CCDC6: variants seen among roughly 807,000 people sequenced by gnomAD.
The protein encoded by CCDC6 is coiled-coil domain-containing protein 6.
In CCDC6, 20 loss-of-function variants were observed where a neutral mutation model predicts 56.6. That is an observed-to-expected ratio of 0.35 (90% CI 0.25 to 0.51). The LOEUF (loss-of-function observed/expected upper bound fraction) is 0.51. CCDC6 is among the 20% of genes least tolerant of loss of function. The probability of loss-of-function intolerance (pLI) is 0.95; values close to 1 mark genes in which losing one functional copy is unlikely to be tolerated. For synonymous variants in CCDC6, 241 were observed against 234.4 expected (o/e 1.03, Z -0.26); for missense variants, 367 against 601.1 (o/e 0.61, Z 4.07).
chr10:59,827,117 TAG>T (rs1335347793), intron 3 of CCDC6, among the ~76,000 whole-genome samples: 1 of 151,972 alleles, frequency 6.6e-6, no homozygotes, highest in Non-Finnish European at 1.5e-5. Context: ...AGGGATAGGA[TAG>T]AGGAGGGAGA....
At chr10:59,858,470 G>T (rs1012843342) in intron 1 of CCDC6, among the ~76,000 whole-genome samples, 4 of 152,144 alleles carry the variant, frequency 2.6e-5, no homozygotes, top group Non-Finnish European at 5.9e-5. Flanking sequence ...ATTGTTACAG[G>T]ACTGCAGAGC....
intron 1 of CCDC6, among the ~76,000 whole-genome samples, chr10:59,857,966 T>C (rs1047983528): frequency 1.3e-5 from 2 of 152,180 alleles, no homozygotes; most frequent in Middle Eastern, 3.2e-3. Context: ...TATACTACTG[T>C]ACATAATGAT....
At chr10:59,838,825 T>C (rs967133592) in intron 2 of CCDC6, among the ~76,000 whole-genome samples, 2 of 152,178 alleles carry the variant, frequency 1.3e-5, no homozygotes, top group African/African-American at 4.8e-5. Flanking sequence ...CCTCTGCCTA[T>C]AGGGTCTGAA....
At chr10:59,857,753 C>T (rs547807810) in intron 1 of CCDC6, among the ~76,000 whole-genome samples, 21 of 152,038 alleles carry the variant, frequency 1.4e-4, no homozygotes, top group African/African-American at 4.8e-4. Flanking sequence ...ACTAAGACAT[C>T]CTGAAGCTTT....
rs566135857 is a variant in CCDC6, at chr10:59,825,390, CT to C, written c.582+7134del. 3.9e-4 allele frequency among the ~76,000 whole-genome samples: 59 copies of C among 152,352 alleles called. No individual in the cohort carries two copies. In the South Asian group the frequency reaches 0.012, roughly 30 times the overall value. ...GACGGGACATGCTCCTCCTTGCCTT[CT>C]GCCATGATTGTGGGCCTTCCCCAGC... On this transcript the variant is annotated intron_variant, in intron 3 of 8. Coordinates refer to ENST00000263102, the MANE Select transcript of CCDC6 (RefSeq NM_005436.5).
intron 1 of CCDC6, among the ~76,000 whole-genome samples, chr10:59,875,986 C>T (rs1468912432): frequency 3.4e-5 from 5 of 148,524 alleles, no homozygotes; most frequent in Admixed American, 2.0e-4. Context: ...AAAAAAATAA[C>T]GGTTGTTAAA....
rs142664486 is a variant in CCDC6 at position 59,889,760 on chromosome 10, A to G, written c.303+16362T>C. Among the ~76,000 whole-genome samples, 360 of 152,252 alleles carry G rather than the reference A, an allele frequency of 2.4e-3. 2 individuals carry two copies. The highest frequency in any genetic ancestry group is 8.1e-3 in the African/African-American group (338 of 41,546). The stretch of plus-strand genomic sequence containing the variant: ...CTCCCCTTTCTCCAACTTGGGCAGC[A>G]CCCACATCTCAAGGCCCAGGGGAGT... On this transcript the variant is annotated intron_variant, in intron 1 of 8. Transcript: ENST00000263102.
chr10:59,868,003 C>G (rs560103737), intron 1 of CCDC6, among the ~76,000 whole-genome samples: 7 of 152,332 alleles, frequency 4.6e-5, no homozygotes, highest in African/African-American at 1.7e-4. Flanking sequence ...CACAAACAAG[C>G]TGTACCACCT....
At chr10:59,900,432 C>A (rs569578203) in intron 1 of CCDC6, among the ~76,000 whole-genome samples, 5 of 152,274 alleles carry the variant, frequency 3.3e-5, no homozygotes, top group African/African-American at 9.6e-5. Flanking sequence ...AGGAAATCTA[C>A]TGAAGTTCTG....
chr10:59,854,727 G>A (rs970251817), intron 1 of CCDC6, among the ~76,000 whole-genome samples: 17 of 152,116 alleles, frequency 1.1e-4, no homozygotes, highest in Non-Finnish European at 7.3e-5. Flanking sequence ...AGGATTTCAC[G>A]CTAGTGCCAT....
chr10:59,818,499 G>GGGT (rs1554883207), intron 3 of CCDC6, among the ~76,000 whole-genome samples: 3 of 116,160 alleles, frequency 2.6e-5, no homozygotes, highest in South Asian at 2.9e-4. Flanking sequence ...TGTTGACGGG[G>GGGT]GGGGGGGAAG....
At chr10:59,854,903 T>C (rs2071068660) in intron 1 of CCDC6, among the ~76,000 whole-genome samples, 3 of 152,380 alleles carry the variant, frequency 2.0e-5, no homozygotes, top group South Asian at 4.1e-4. Context: ...AGAGGAACTG[T>C]AGTGCTCTTG....
At chr10:59,804,581 T>A in intron 6 of CCDC6, 61 bp from the exon 7 acceptor site, 1 of 921,256 alleles carries the variant, frequency 1.1e-6, no homozygotes, top group Non-Finnish European at 1.8e-6. Context: ...TTAGGAGAGT[T>A]TTTAAGAGAA....
chr10:59,895,768 T>C (rs2132685437), intron 1 of CCDC6, among the ~76,000 whole-genome samples: 1 of 152,326 alleles, frequency 6.6e-6, no homozygotes, highest in Middle Eastern at 3.4e-3. Flanking sequence ...TCGAAGGTCA[T>C]GCCTGATAAG....
chr10:59,905,165 A>G (rs964194212), intron 1 of CCDC6, among the ~76,000 whole-genome samples: 1 of 152,144 alleles, frequency 6.6e-6, no homozygotes, highest in Non-Finnish European at 1.5e-5. Context: ...GATAGGTGAG[A>G]GTACACAGTG....
intron 6 of CCDC6, chr10:59,805,553 A>G (rs1351170364): frequency 2.0e-5 from 3 of 152,160 alleles, no homozygotes; most frequent in Non-Finnish European, 4.4e-5. Flanking sequence ...TCTTACCCCA[A>G]ACTGGGTCCC....
intron 3 of CCDC6, among the ~76,000 whole-genome samples, chr10:59,816,442 G>T (rs992405858): frequency 6.6e-6 from 1 of 152,090 alleles, no homozygotes; most frequent in Non-Finnish European, 1.5e-5. Flanking sequence ...CAATGCATTG[G>T]GGGGAGACTC....
rs527934531 is a variant in CCDC6 at position 59,847,779 on chromosome 10, T to C, written c.453+4774A>G. 2.0e-5 allele frequency among the ~76,000 whole-genome samples: 3 copies of C among 151,028 alleles called. No homozygotes were observed. The South Asian group carries it at 6.3e-4, about 32-fold the overall frequency. On this transcript the variant is annotated intron_variant, in intron 2 of 8. Coordinates refer to ENST00000263102, the MANE Select transcript of CCDC6 (RefSeq NM_005436.5). ...AACCTATAAGTTCAGCACCCAAGTA[T>C]AATTACTCTATAACATTCTGGAGAA...
rs562051644 is a variant in CCDC6, at chr10:59,857,390, T to C, written c.304-4688A>G. 4.6e-5 allele frequency among the ~76,000 whole-genome samples: 7 copies of C among 152,220 alleles called. No homozygotes were observed. In the South Asian group the frequency reaches 1.0e-3, roughly 23 times the overall value. ...GCACAAATTTGATAGGAGATTCTAA[T>C]GTGATTGTTTATAGTGTTTCTGTTC... On this transcript the variant is annotated intron_variant, in intron 1 of 8. Transcript: ENST00000263102.
Sources: allele counts gnomAD v4.1 joint callset (sites outside exome capture counted in the v4.1 genomes callset), GRCh38; gene constraint gnomAD v4.1.1; transcripts MANE v1.5; gene names NCBI Gene and HGNC (gene_info 2026-07-23, HGNC 2026-07-21).